COL26A1: variants seen among roughly 807,000 people sequenced by gnomAD.
COL26A1 encodes the protein collagen alpha-1(XXVI) chain.
COL26A1 carries 41 observed loss-of-function variants against 59.3 expected under a neutral mutation model. The ratio of observed to expected loss-of-function variants is 0.69; its 90% CI spans 0.54 to 0.90. The LOEUF (loss-of-function observed/expected upper bound fraction) is 0.90. Ranked by LOEUF, COL26A1 falls within the 40% of genes least tolerant of loss-of-function variation. The pLI is 0.00. For synonymous variants in COL26A1, 266 were observed against 256.0 expected (o/e 1.04, Z -0.37); for missense variants, 612 against 602.3 (o/e 1.02, Z -0.17).
At chr7:101,531,187 T>G (rs111657114) in intron 3 of COL26A1, among the ~76,000 whole-genome samples, 7,162 of 152,128 alleles carry the variant, frequency 0.047, 250 homozygotes, top group Admixed American at 0.079. Context: ...TAGCCAGGAT[T>G]GTCTCGATCT....
At chr7:101,429,562 T>A (rs907288036) in intron 2 of COL26A1, among the ~76,000 whole-genome samples, 3 of 150,704 alleles carry the variant, frequency 2.0e-5, no homozygotes, top group African/African-American at 7.3e-5. Flanking sequence ...TCTTCTCACT[T>A]TATTCTTTTT....
chr7:101,365,175 G>A (rs975738783), intron 1 of COL26A1, among the ~76,000 whole-genome samples: 1 of 152,160 alleles, frequency 6.6e-6, no homozygotes, highest in Admixed American at 6.6e-5. Context: ...AAACACCCAC[G>A]CTAGTGTGGC....
chr7:101,398,952 G>A (rs1791927944), intron 1 of COL26A1, among the ~76,000 whole-genome samples: 1 of 152,078 alleles, frequency 6.6e-6, no homozygotes, highest in African/African-American at 2.4e-5. Flanking sequence ...CCCCTGGGTG[G>A]GCTGCACAGG....
chr7:101,419,092 TCCCCTC>T (rs1792448084), intron 1 of COL26A1, among the ~76,000 whole-genome samples: 1 of 29,314 alleles, frequency 3.4e-5, no homozygotes, highest in African/African-American at 1.1e-4. Flanking sequence ...TCCCCTCCCC[TCCCCTC>T]CCCTCCCCTC....
intron 2 of COL26A1, among the ~76,000 whole-genome samples, chr7:101,434,182 CCTTCTCTCTCT>C (rs1792856444): frequency 1.5e-5 from 2 of 129,610 alleles, no homozygotes; most frequent in Non-Finnish European, 3.3e-5. Flanking sequence ...TTCCTTCCTT[CCTTCTCTCTCT>C]CTCTCTCTCC....
chr7:101,465,709 A>AG (rs1793743586), intron 3 of COL26A1, among the ~76,000 whole-genome samples: 1 of 150,854 alleles, frequency 6.6e-6, no homozygotes, highest in South Asian at 2.1e-4. Context: ...AAAAAAAAAA[A>AG]AAAGAAAAGA....
At chr7:101,403,238 A>G (rs935120913) in intron 1 of COL26A1, among the ~76,000 whole-genome samples, 1 of 152,090 alleles carries the variant, frequency 6.6e-6, no homozygotes, top group African/African-American at 2.4e-5. Flanking sequence ...AGAGTGGGAG[A>G]TGCTTGTGGG....
intron 2 of COL26A1, among the ~76,000 whole-genome samples, chr7:101,444,475 G>A (rs557177803): frequency 6.7e-6 from 1 of 149,854 alleles, no homozygotes. Flanking sequence ...GAGTGCAGTG[G>A]CGTGATCTCC....
chr7:101,557,727 C>A lies in COL26A1; in HGVS notation c.*197C>A. ...GGGCCAACACCCTCATCAGAGCCCT[C>A]CTCTGGCCTGTCCCCTCCCCTACCC... On this transcript the variant is annotated 3_prime_UTR_variant, in exon 13 of 13. Transcript: ENST00000313669. The A allele has an allele frequency of 1.8e-6, 1 of 547,178 alleles. No homozygotes were observed. The highest frequency in any genetic ancestry group is 3.2e-5 in the South Asian group (1 of 31,206). 33.9% of individuals were successfully genotyped at this position (547,178 alleles called of 1,614,324 possible).
chr7:101,386,139 G>C (rs1032385785), intron 1 of COL26A1, among the ~76,000 whole-genome samples: 4 of 152,190 alleles, frequency 2.6e-5, no homozygotes, highest in Non-Finnish European at 5.9e-5. Flanking sequence ...AGGCTCTGAG[G>C]GGAGAGAAAA....
chr7:101,466,891 T>G (rs945487496), intron 3 of COL26A1, among the ~76,000 whole-genome samples: 1 of 151,226 alleles, frequency 6.6e-6, no homozygotes, highest in African/African-American at 2.4e-5. Flanking sequence ...GGTCTCAGTA[T>G]GGATCCCCTG....
Position 101,512,123 on chromosome 7 carries a change from G to A in COL26A1, c.386-20959G>A, listed in dbSNP as rs911571034. 1.8e-4 allele frequency among the ~76,000 whole-genome samples: 27 copies of A among 152,242 alleles called. 1 individual carries two copies. The highest frequency in any genetic ancestry group is 1.7e-3 in the Admixed American group (26 of 15,278). ...TTTCGCTGCTGGTGCTGTGGTCACC[G>A]TGGAGGTCGGGGTGGAGTGAGAATA... On this transcript the variant is annotated intron_variant, in intron 3 of 12. Coordinates refer to ENST00000313669, the MANE Select transcript of COL26A1 (RefSeq NM_001278563.3).
At chr7:101,402,017 C>T (rs1792020130) in intron 1 of COL26A1, among the ~76,000 whole-genome samples, 2 of 152,138 alleles carry the variant, frequency 1.3e-5, no homozygotes, top group Admixed American at 1.3e-4. Context: ...ACTTCATTAC[C>T]AGCCGGGTTT....
chr7:101,544,528 CTT>C (rs58206894), intron 6 of COL26A1, among the ~76,000 whole-genome samples: 39,163 of 97,668 alleles, frequency 0.4, 7,556 homozygotes, highest in African/African-American at 0.61. Flanking sequence ...CCTCACCTGG[CTT>C]TTTTTTTTTT....
chr7:101,362,927 C>A lies in COL26A1; in HGVS notation c.-106C>A. On this transcript the variant is annotated 5_prime_UTR_variant, in exon 1 of 13. Coordinates refer to ENST00000313669, the MANE Select transcript of COL26A1 (RefSeq NM_001278563.3). ...CGGGCTCCGACCGCTCGCCCCGCTCCTCTCGCTGTGCTCCCGGCCGGTGCC... is the reference window on the plus strand; with the variant it reads ...CGGGCTCCGACCGCTCGCCCCGCTCATCTCGCTGTGCTCCCGGCCGGTGCC... 1 of 1,221,436 alleles carries A rather than the reference C, an allele frequency of 8.2e-7. No individual in the cohort carries two copies. Among genetic ancestry groups the A allele is most frequent in the Non-Finnish European group, 1.1e-6 (1 of 913,948 alleles). The allele number at this position is 1,221,436 out of a possible 1,614,324, so 75.7% of individuals were successfully genotyped here.
At chr7:101,431,456 C>T (rs1362802794) in intron 2 of COL26A1, among the ~76,000 whole-genome samples, 1 of 151,940 alleles carries the variant, frequency 6.6e-6, no homozygotes, top group African/African-American at 2.4e-5. Context: ...GATGGGGTTT[C>T]ACCATGTTGC....
At chr7:101,416,260 C>T (rs182823187) in intron 1 of COL26A1, among the ~76,000 whole-genome samples, 1,763 of 142,272 alleles carry the variant, frequency 0.012, 328 homozygotes, top group Non-Finnish European at 0.022. Context: ...AGCATGTTGG[C>T]GCACACCTGT....
chr7:101,459,811 CTA>C (rs1793567365), intron 3 of COL26A1, among the ~76,000 whole-genome samples: 1 of 152,058 alleles, frequency 6.6e-6, no homozygotes, highest in Non-Finnish European at 1.5e-5. Flanking sequence ...CCCTAGACTC[CTA>C]TATGGGCAAG....
chr7:101,523,547 T>C (rs1428537252), intron 3 of COL26A1, among the ~76,000 whole-genome samples: 2 of 152,230 alleles, frequency 1.3e-5, no homozygotes, highest in African/African-American at 2.4e-5. Context: ...GGAATTGACT[T>C]TTGCACGTGG....
Sources: gnomAD v4.1 joint callset for allele counts (sites outside exome capture counted in the v4.1 genomes callset) on GRCh38, gnomAD v4.1.1 for gene constraint, MANE v1.5 for transcripts, NCBI Gene and HGNC (gene_info 2026-07-23, HGNC 2026-07-21) for gene names.